Variants in CCSER1 observed in about 807,000 individuals in gnomAD.
CCSER1 encodes serine-rich coiled-coil domain-containing protein 1.
CCSER1 carries 41 observed loss-of-function variants against 82.0 expected under a neutral mutation model. The observed-to-expected ratio is 0.50, with a 90% confidence interval of 0.39 to 0.65. CCSER1 has a LOEUF of 0.65. Ranked by LOEUF, CCSER1 falls within the 30% of genes least tolerant of loss-of-function variation. The pLI is 0.00. For missense variants in CCSER1, 1,119 were observed against 1,064.2 expected (o/e 1.05, Z -0.72); for synonymous variants, 414 against 383.9 (o/e 1.08, Z -0.92).
chr4:90,734,264 T>C (rs531006260), intron 7 of CCSER1, among the ~76,000 whole-genome samples: 1 of 152,160 alleles, frequency 6.6e-6, no homozygotes, highest in African/African-American at 2.4e-5. Context: ...TAGCTGGGAC[T>C]ACAGGCTCCC....
intron 10 of CCSER1, among the ~76,000 whole-genome samples, chr4:91,515,685 G>T (rs2110126565): frequency 6.6e-6 from 1 of 152,030 alleles, no homozygotes; most frequent in South Asian, 2.1e-4. Flanking sequence ...TGTCTTTTTG[G>T]TAGAATGATG....
At chr4:90,874,203 A>G (rs1165707861) in intron 8 of CCSER1, among the ~76,000 whole-genome samples, 1 of 152,134 alleles carries the variant, frequency 6.6e-6, no homozygotes, top group Non-Finnish European at 1.5e-5. Context: ...CTCTAGGCAC[A>G]GCTTTAGGTA....
chr4:91,181,083 C>T (rs1733983612), intron 10 of CCSER1, among the ~76,000 whole-genome samples: 2 of 152,204 alleles, frequency 1.3e-5, no homozygotes, highest in Non-Finnish European at 2.9e-5. Context: ...CCACAGTCTT[C>T]CAGCATGGGC....
At chr4:91,181,898 A>G (rs954694693) in intron 10 of CCSER1, among the ~76,000 whole-genome samples, 5 of 152,214 alleles carry the variant, frequency 3.3e-5, no homozygotes, top group African/African-American at 1.2e-4. Flanking sequence ...GATTGCATCC[A>G]GGCATTATTG....
intron 9 of CCSER1, chr4:90,938,628 T>A (rs985417304): frequency 5.9e-6 from 2 of 339,318 alleles, no homozygotes; most frequent in African/African-American, 4.3e-5. Flanking sequence ...AAAATTTCAT[T>A]TTATTTTATT....
At chr4:91,276,990 G>A (rs1742518485) in intron 10 of CCSER1, among the ~76,000 whole-genome samples, 1 of 151,968 alleles carries the variant, frequency 6.6e-6, no homozygotes, top group South Asian at 2.1e-4. Flanking sequence ...GTCTTGCACT[G>A]CTGGGATAAA....
intron 10 of CCSER1, among the ~76,000 whole-genome samples, chr4:91,549,983 G>A (rs916672464): frequency 2.0e-5 from 3 of 151,812 alleles, no homozygotes; most frequent in African/African-American, 7.3e-5. Flanking sequence ...GTTGGAGTTG[G>A]TATTTCTCTT....
intron 5 of CCSER1, among the ~76,000 whole-genome samples, chr4:90,530,992 C>T (rs1304388169): frequency 1.3e-5 from 2 of 152,092 alleles, no homozygotes; most frequent in African/African-American, 4.8e-5. Context: ...AAATGATTGT[C>T]CTTAAAAACA....
chr4:90,138,283 C>T (rs530327686), intron 1 of CCSER1, among the ~76,000 whole-genome samples: 1 of 152,236 alleles, frequency 6.6e-6, no homozygotes, highest in South Asian at 2.1e-4. Context: ...CCTCAAACTC[C>T]TGGGATCAAG....
intron 1 of CCSER1, among the ~76,000 whole-genome samples, chr4:90,252,479 C>T (rs1311853602): frequency 6.6e-6 from 1 of 150,852 alleles, no homozygotes; most frequent in Non-Finnish European, 1.5e-5. Context: ...GTAAATTTTC[C>T]AATTTTTTAT....
intron 10 of CCSER1, among the ~76,000 whole-genome samples, chr4:91,501,936 T>C (rs1759231882): frequency 6.6e-6 from 1 of 152,192 alleles, no homozygotes; most frequent in Non-Finnish European, 1.5e-5. Context: ...GCATCACTTA[T>C]CATACACAGT....
At chr4:91,020,877 C>A (rs1167719391) in intron 9 of CCSER1, among the ~76,000 whole-genome samples, 4 of 152,078 alleles carry the variant, frequency 2.6e-5, no homozygotes, top group African/African-American at 7.2e-5. Flanking sequence ...AGACCTTGAG[C>A]CTTATTTAAA....
chr4:90,478,787 C>T (rs546509934), intron 5 of CCSER1, among the ~76,000 whole-genome samples: 2 of 147,000 alleles, frequency 1.4e-5, no homozygotes, highest in Non-Finnish European at 3.0e-5. Flanking sequence ...GTTGCCCAGG[C>T]TGGAGTTCAG....
In CCSER1 at chr4:90,506,272, T is replaced by G. The variant is rs1770667423; in HGVS notation, c.1724+37918T>G. On this transcript the variant is annotated intron_variant, in intron 5 of 10. Transcript: ENST00000509176. ...CAGAATTTTCATCTAGTTAATTTTCTTATAATCAGAAAAAAATGCAGTTCA... is the reference window on the plus strand; with the variant it reads ...CAGAATTTTCATCTAGTTAATTTTCGTATAATCAGAAAAAAATGCAGTTCA... Among the ~76,000 whole-genome samples the G allele has an allele frequency of 2.6e-5, 4 of 152,222 alleles. No homozygotes were observed. The South Asian group carries it at 6.2e-4, about 24-fold the overall frequency.
At chr4:90,878,419 G>A (rs576134887) in intron 8 of CCSER1, among the ~76,000 whole-genome samples, 1 of 151,966 alleles carries the variant, frequency 6.6e-6, no homozygotes, top group Non-Finnish European at 1.5e-5. Flanking sequence ...CTCTATTTGG[G>A]TACAGAGTGC....
chr4:90,710,270 T>TTTG (rs936675528), intron 6 of CCSER1, among the ~76,000 whole-genome samples: 9 of 151,832 alleles, frequency 5.9e-5, no homozygotes, highest in South Asian at 2.1e-4. Context: ...GTGATAGTTT[T>TTTG]TTGTTGTTGT....
At chr4:90,798,866 G>A (rs558768465) in intron 7 of CCSER1, among the ~76,000 whole-genome samples, 54 of 152,290 alleles carry the variant, frequency 3.5e-4, no homozygotes, top group African/African-American at 1.3e-3. Flanking sequence ...TGAGGTGGGG[G>A]GAGGCAGTGG....
chr4:90,883,776 T>C (rs750547219), intron 8 of CCSER1, among the ~76,000 whole-genome samples: 2 of 152,000 alleles, frequency 1.3e-5, no homozygotes, highest in African/African-American at 2.4e-5. Context: ...CTCTTTCAGA[T>C]GGAATATATC....
chr4:91,162,821 TTTC>T lies in CCSER1; in HGVS notation c.2217+76833_2217+76835del, dbSNP rs1180215473. ...TTGTGTCTATTTGATTATTCTCTTT[TTTC>T]TTCTTTATTAGTCTGGCTAGTGGAC... On this transcript the variant is annotated intron_variant, in intron 10 of 10. Transcript: ENST00000509176. 1.4e-4 allele frequency among the ~76,000 whole-genome samples: 21 copies of T among 152,314 alleles called. 1 individual carries two copies. The highest frequency in any genetic ancestry group is 5.2e-4 in the Admixed American group (8 of 15,300).
Sources: allele counts gnomAD v4.1 joint callset (sites outside exome capture counted in the v4.1 genomes callset), GRCh38; gene constraint gnomAD v4.1.1; transcripts MANE v1.5; gene names NCBI Gene and HGNC (gene_info 2026-07-23, HGNC 2026-07-21).